TTN: variants seen among roughly 807,000 people sequenced by gnomAD.
TTN encodes the protein titin.
TTN carries 1,525 observed loss-of-function variants against 3,223.0 expected under a neutral mutation model. The observed-to-expected ratio is 0.47, with a 90% CI of 0.45 to 0.49. The LOEUF (loss-of-function observed/expected upper bound fraction) is 0.49. Ranked by LOEUF, TTN falls within the 20% of genes least tolerant of loss-of-function variation. The pLI, the probability that TTN is intolerant of heterozygous loss-of-function variation, is 0.00. For synonymous variants in TTN, 14,094 were observed against 15,161.0 expected (o/e 0.93, Z 5.17); for missense variants, 40,786 against 43,424.0 (o/e 0.94, Z 5.40).
Position 178,746,824 on chromosome 2 carries a change from C to A in TTN, c.11312-4903G>T, listed in dbSNP as rs1350280514. On this transcript the variant is annotated intron_variant, in intron 47 of 362. Coordinates refer to ENST00000589042, the MANE Select transcript of TTN (RefSeq NM_001267550.2). ...CTAGTGTTGTGTTTTCATATACCTT[C>A]CTTTTGGTCAGAGGTTCAATAAAAG... The A allele has an allele frequency of 2.5e-6, 4 of 1,613,246 alleles. No homozygotes were observed. The African/African-American group carries it at 5.3e-5, about 22-fold the overall frequency.
chr2:178,749,881 C>T lies in TTN; in HGVS notation c.11311+3243G>A, dbSNP rs2084904408. On this transcript the variant is annotated intron_variant, in intron 47 of 362. Transcript: ENST00000589042. ...TTAAACATTCAAGAATGATGGAATC[C>T]CCTTCTCTACACCTGGCATGCTTTG... 3 of 1,612,962 alleles carry T rather than the reference C, an allele frequency of 1.9e-6. No individual in the cohort carries two copies. In the South Asian group the frequency reaches 3.3e-5, roughly 18 times the overall value.
rs768596884 is a variant in TTN, at chr2:178,560,680, G to T, written c.85452C>A (p.Asp28484Glu). ...TTTCACGTTTTTCTACGATGTAATA[G>T]TCGATATCTGCACCACCATCTTCTT... The part of the protein sequence containing the change: ...RPQEDGGADI[D>E]YYIVEKRETS... Residue 28484 changes from aspartate (D) to glutamate (E), a missense_variant, in exon 326 of 363, where the codon GAC becomes GAA. Asp to Glu is a conservative substitution (Grantham distance 45, BLOSUM62 2). Coordinates refer to ENST00000589042, the MANE Select transcript of TTN (RefSeq NM_001267550.2). The T allele has an allele frequency of 1.2e-6, 2 of 1,613,596 alleles. No homozygotes were observed. Among genetic ancestry groups the T allele is most frequent in the Non-Finnish European group, 8.5e-7 (1 of 1,179,762 alleles).
rs762791706 is a variant in TTN, at chr2:178,764,192, G to A, written c.10099C>T (p.Arg3367Trp). ...TTAAACCTACCTGTTCCAGAAACCC[G>A]GCATTGAAAACGGGCTGGCTGCCCT... ...SEGQPARFQC[R>W]VSGTDLKVSW... Residue 3367 changes from arginine to tryptophan, a missense_variant, in exon 43 of 363, where the codon CGG (arginine) becomes TGG (tryptophan). Transcript: ENST00000589042. The A allele has an allele frequency of 2.2e-5, 36 of 1,614,032 alleles. No individual in the cohort carries two copies. The highest frequency in any genetic ancestry group is 1.6e-4 in the Middle Eastern group (1 of 6,062).
At position 178,650,833 on chromosome 2, in the gene TTN, C is replaced by A; in HGVS notation, c.39627G>T (p.Val13209=). Residue 13209 remains valine, a splice_region_variant and synonymous_variant, in exon 209 of 363, where the codon GTG becomes GTT. Transcript: ENST00000589042. ...AGACAGGTTTCTTTGGCACTTCTGG[C>A]ACTTTAAAGATATTAATTCATTTTT... is the stretch of plus-strand genomic sequence containing the variant. The part of the protein sequence containing the change: ...PKKPEVPPAK[V]PEVPKKPVLE... The A allele has an allele frequency of 6.2e-7, 1 of 1,601,450 alleles. No homozygotes were observed.
chr2:178,784,835 G>T (rs764700146), intron 15 of TTN, among the ~76,000 whole-genome samples: 3 of 152,126 alleles, frequency 2.0e-5, no homozygotes, highest in Non-Finnish European at 4.4e-5. Context: ...TATTTTAAAG[G>T]TTTCCTTACT....
Position 178,799,526 on chromosome 2 carries a change from GGGGAA to G in TTN, c.870_874del (p.Ser291GlyfsTer30). On this transcript the variant is annotated frameshift_variant, in exon 6 of 363. Coordinates refer to ENST00000589042, the MANE Select transcript of TTN (RefSeq NM_001267550.2). LOFTEE classifies it high-confidence loss of function. ...GGTCGGTGCCCGCACGTGTCTGACC[GGGGAA>G]GGGGAGTGTCTTATGGGCGATGGGG... is the stretch of plus-strand genomic sequence containing the variant. The G allele has an allele frequency of 6.2e-7, 1 of 1,614,142 alleles. No individual in the cohort carries two copies. Among genetic ancestry groups the G allele is most frequent in the South Asian group, 1.1e-5 (1 of 91,078 alleles).
rs747575161 is a variant in TTN, at chr2:178,718,406, T to C, written c.24700A>G (p.Thr8234Ala). ...KSTILEILES[T>A]IEDYAQYSCL... The stretch of plus-strand genomic sequence containing the variant: ...CTGTACTGTGCATAATCCTCTATTG[T>C]GCTCTCAAGAATTTCCAGTATGGTA... The change falls in exon 85 of 363, where the codon ACA becomes GCA. Residue 8234 changes from threonine (T) to alanine (A), a missense_variant. By Grantham distance (58) the Thr-to-Ala change is moderately conservative. Coordinates refer to ENST00000589042, the MANE Select transcript of TTN (RefSeq NM_001267550.2). 4 of 1,613,836 alleles carry C rather than the reference T, an allele frequency of 2.5e-6. No homozygotes were observed. Among genetic ancestry groups the C allele is most frequent in the Non-Finnish European group, 3.4e-6 (4 of 1,179,756 alleles).
intron 73 of TTN, 52 bp from the exon 74 acceptor site, chr2:178,723,748 T>C: frequency 1.3e-6 from 2 of 1,528,544 alleles, no homozygotes; most frequent in Non-Finnish European, 1.8e-6. Flanking sequence ...CAGATGGAGT[T>C]GCAATTTTGA....
Position 178,633,650 on chromosome 2 carries a change from A to G in TTN, c.42709T>C (p.Leu14237=). ...LEADPYFTVK[L]HDKTAVEKDE... is the part of the protein sequence containing the mutation. Reference sequence around the variant, plus strand: ...TTCTCCACTGCAGTTTTGTCATGTAATTTCACAGTGAAGTAGGGATCGGCC... The same window carrying G: ...TTCTCCACTGCAGTTTTGTCATGTAGTTTCACAGTGAAGTAGGGATCGGCC... Residue 14237 remains leucine (L), a synonymous_variant, in exon 232 of 363, where the codon TTA becomes CTA. Transcript: ENST00000589042. The G allele has an allele frequency of 1.9e-6, 3 of 1,612,910 alleles. No individual in the cohort carries two copies. Among genetic ancestry groups the G allele is most frequent in the African/African-American group, 2.7e-5 (2 of 75,002 alleles).
intron 10 of TTN, among the ~76,000 whole-genome samples, chr2:178,791,638 G>T (rs1422596851): frequency 1.3e-5 from 2 of 150,348 alleles, no homozygotes; most frequent in African/African-American, 2.5e-5. Flanking sequence ...TTTATTCGGG[G>T]TGTTTATGGC....
At chr2:178,751,405 G>A in intron 47 of TTN, 2 of 1,608,886 alleles carry the variant, frequency 1.2e-6, no homozygotes. Flanking sequence ...CTGTTTTCTT[G>A]GCAGAACTCA....
At position 178,546,521 on chromosome 2, in the gene TTN, G is replaced by A. The variant is rs773570334; in HGVS notation, c.94829-19C>T. The stretch of plus-strand genomic sequence containing the variant: ...GGTGGAGCTGTCAGTAGGCAAAACA[G>A]ATATGAATGAATATCTGAGAGTTTA... On this transcript the variant is annotated intron_variant, in intron 341 of 362. Coordinates refer to ENST00000589042, the MANE Select transcript of TTN (RefSeq NM_001267550.2). 5.0e-6 allele frequency: 8 copies of A among 1,603,622 alleles called. No homozygotes were observed. The highest frequency in any genetic ancestry group is 6.8e-6 in the Non-Finnish European group (8 of 1,173,318).
At position 178,738,335 on chromosome 2, in the gene TTN, G is replaced by C. The variant is rs267599072; in HGVS notation, c.14118C>G (p.Ile4706Met). Residue 4706 changes from isoleucine to methionine, a missense_variant, in exon 49 of 363, where the codon ATC becomes ATG. Physicochemically the swap from Ile to Met is conservative, Grantham distance 10 (BLOSUM62 1). Transcript: ENST00000589042. ...KRAAPVIKRK[I>M]EPLEVALGHL... ...GGCCCAGTGCTACTTCCAGGGGTTC[G>C]ATTTTCCTCTTGATCACTGGGGCAG... The C allele has an allele frequency of 3.7e-6, 6 of 1,612,706 alleles. No individual in the cohort carries two copies. The highest frequency in any genetic ancestry group is 1.3e-5 in the African/African-American group (1 of 74,996).
chr2:178,579,553 A>T lies in TTN; in HGVS notation c.67636+8T>A, dbSNP rs1222649139. 3.1e-6 allele frequency: 5 copies of T among 1,612,714 alleles called. No homozygotes were observed. Among genetic ancestry groups the T allele is most frequent in the Non-Finnish European group, 4.2e-6 (5 of 1,179,400 alleles). On this transcript the variant is annotated splice_region_variant and intron_variant, in intron 319 of 362. Transcript: ENST00000589042. ...AGGAAAAATGAAGATGTGTGCATAG[A>T]GCCTTACCAACATCATCCCTTGCCA...
chr2:178,654,250 A>T lies in TTN; in HGVS notation c.38338T>A (p.Ser12780Thr), dbSNP rs1442435326. ...PKEVVLEKKV[S>T]VAVPKKPEAP... ...TCCGGTTTTTTGGGCACAGCCACAGATACTTTCTTTTCAAGTACAACTTCT... is the reference window on the plus strand; with the variant it reads ...TCCGGTTTTTTGGGCACAGCCACAGTTACTTTCTTTTCAAGTACAACTTCT... The change falls in exon 193 of 363, where the codon TCT (serine) becomes ACT (threonine). Residue 12780 changes from serine to threonine, a missense_variant. Coordinates refer to ENST00000589042, the MANE Select transcript of TTN (RefSeq NM_001267550.2). 1.2e-6 allele frequency: 2 copies of T among 1,600,556 alleles called. No homozygotes were observed. Among genetic ancestry groups the T allele is most frequent in the Non-Finnish European group, 1.7e-6 (2 of 1,177,840 alleles).
rs138832697 is a variant in TTN at position 178,747,205 on chromosome 2, A to G, written c.11312-5284T>C. 5.0e-6 allele frequency: 8 copies of G among 1,601,858 alleles called. No homozygotes were observed. In the African/African-American group the frequency reaches 5.6e-5, roughly 11 times the overall value. ...AGTATCTCTCTAGAGTCTCTCCTGG[A>G]GGTGTGGAGTATCTCTCTAGTGTCT... is the stretch of plus-strand genomic sequence containing the variant. On this transcript the variant is annotated intron_variant, in intron 47 of 362. Coordinates refer to ENST00000589042, the MANE Select transcript of TTN (RefSeq NM_001267550.2).
Position 178,804,663 on chromosome 2 carries a change from A to G in TTN, c.-13-8T>C. The G allele has an allele frequency of 6.2e-7, 1 of 1,613,056 alleles. No individual in the cohort carries two copies. Among genetic ancestry groups the G allele is most frequent in the Non-Finnish European group, 8.5e-7 (1 of 1,179,512 alleles). ...GTCATCTTTCTAGGCACTCTGAAAA[A>G]GAAGAGAAAATAAATTAGGGTGTCC... On this transcript the variant is annotated splice_polypyrimidine_tract_variant and splice_region_variant and intron_variant, in intron 1 of 362. Transcript: ENST00000589042.
At position 178,572,876 on chromosome 2, in the gene TTN, G is replaced by T; in HGVS notation, c.73256C>A (p.Ala24419Asp). 1 of 1,613,410 alleles carries T rather than the reference G, an allele frequency of 6.2e-7. No homozygotes were observed. Among genetic ancestry groups the T allele is most frequent in the African/African-American group, 1.3e-5 (1 of 75,014 alleles). ...EPALVPGTPK[A>D]EDRMLPPEIE... is the part of the protein sequence containing the mutation. ...TTCTGGAGGCAGCATTCTGTCTTCA[G>T]CCTTTGGAGTTCCAGGAACAAGGGC... Residue 24419 changes from alanine (A) to aspartate (D), a missense_variant, in exon 326 of 363, where the codon GCT becomes GAT. By Grantham distance (126) the Ala-to-Asp change is moderately radical (BLOSUM62 -2). Transcript: ENST00000589042.
chr2:178,554,077 T>C lies in TTN; in HGVS notation c.89034A>G (p.Leu29678=), dbSNP rs759871787. ...TCTCTTTTAGTACTTTAAACCATCC[T>C]AGGCTCTTCTTGTCTCGTTTTTCAA... ...YFLEKRDKKS[L]GWFKVLKETI... Residue 29678 remains leucine (L), a synonymous_variant, in exon 333 of 363, where the codon CTA becomes CTG. Coordinates refer to ENST00000589042, the MANE Select transcript of TTN (RefSeq NM_001267550.2). The C allele has an allele frequency of 5.0e-6, 8 of 1,613,772 alleles. No individual in the cohort carries two copies. The Admixed American group carries it at 1.3e-4, about 27-fold the overall frequency.
Sources: gnomAD v4.1 joint callset for allele counts (sites outside exome capture counted in the v4.1 genomes callset) on GRCh38, gnomAD v4.1.1 for gene constraint, MANE v1.5 for transcripts, NCBI Gene and HGNC (gene_info 2026-07-23, HGNC 2026-07-21) for gene names.